Variants in HIBCH observed in about 807,000 individuals in gnomAD.
The protein encoded by HIBCH is 3-hydroxyisobutyryl-CoA hydrolase, mitochondrial.
A neutral mutation model predicts 58.2 loss-of-function variants in HIBCH; 50 were observed. The ratio of observed to expected loss-of-function variants is 0.86; its 90% CI spans 0.68 to 1.09. The LOEUF is 1.09. HIBCH is among the 50% of genes least tolerant of loss of function. The pLI is 0.00. For synonymous variants in HIBCH, 151 were observed against 146.9 expected (o/e 1.03, Z -0.20); for missense variants, 450 against 449.7 (o/e 1.00, Z -0.01).
chr2:190,191,371 C>G (rs1014011268), intron 1 of HIBCH, among the ~76,000 whole-genome samples: 7 of 152,194 alleles, frequency 4.6e-5, no homozygotes, highest in African/African-American at 1.7e-4. Context: ...TCTCAAACTC[C>G]TGACCTCAGG....
rs762735715 is a variant in HIBCH, at chr2:190,213,068, T to C, written c.899A>G (p.Asn300Ser). The change falls in exon 12 of 14, where the codon AAT becomes AGT. Residue 300 changes from asparagine to serine, a missense_variant. By Grantham distance (46) the Asn-to-Ser change is conservative. Coordinates refer to ENST00000359678, the MANE Select transcript of HIBCH (RefSeq NM_014362.4). Reference protein sequence around the residue: ...SFALEQLKVINKMSPTSLKIT... With the variant: ...SFALEQLKVISKMSPTSLKIT... ...CTTTAGAGATGTTGGAGACATTTTA[T>C]TAATTACCTTTTGGAGGAAAAAATT... is the stretch of plus-strand genomic sequence containing the variant. The C allele has an allele frequency of 6.2e-7, 1 of 1,607,008 alleles. No individual in the cohort carries two copies. Among genetic ancestry groups the C allele is most frequent in the Non-Finnish European group, 8.5e-7 (1 of 1,173,736 alleles).
In HIBCH at chr2:190,215,277, G is replaced by A. The variant is rs761967629; in HGVS notation, c.892-2202C>T. On this transcript the variant is annotated intron_variant, in intron 11 of 13. Transcript: ENST00000359678. This position sits in a 1 kb window ranked among gnomAD's most constrained non-coding sequence, Gnocchi z 4.4. Reference sequence around the variant, plus strand: ...ATTTGGGAAAGACAGCGTCCTCCCAGGCAAGAAGTCCTGCCAACTGAGCAG... The same window carrying A: ...ATTTGGGAAAGACAGCGTCCTCCCAAGCAAGAAGTCCTGCCAACTGAGCAG... 5 of 152,226 alleles carry A rather than the reference G, an allele frequency of 3.3e-5. No individual in the cohort carries two copies. The highest frequency in any genetic ancestry group is 4.8e-5 in the African/African-American group (2 of 41,452). The allele number at this position is 152,226 out of a possible 1,614,324, so 9.4% of individuals were successfully genotyped here.
chr2:190,232,696 C>G (rs533674773), intron 11 of HIBCH, among the ~76,000 whole-genome samples: 1 of 152,132 alleles, frequency 6.6e-6, no homozygotes, highest in Non-Finnish European at 1.5e-5. Context: ...TGGTGGCTCA[C>G]GCCTGTAATC....
chr2:190,319,758 C>T lies in HIBCH; in HGVS notation c.-8G>A. 4.3e-6 allele frequency: 7 copies of T among 1,611,268 alleles called. No homozygotes were observed. The highest frequency in any genetic ancestry group is 1.1e-5 in the South Asian group (1 of 90,104). ...CATCTCGCGCTGCCCCATCGCCAAA[C>T]ACTCCGAAGCTAAAGCAGCAGAGCG... On this transcript the variant is annotated 5_prime_UTR_variant, in exon 1 of 14. Transcript: ENST00000359678.
At chr2:190,271,775 C>T (rs918671821) in intron 6 of HIBCH, among the ~76,000 whole-genome samples, 1 of 152,148 alleles carries the variant, frequency 6.6e-6, no homozygotes, top group Non-Finnish European at 1.5e-5. Context: ...CCATATTGAT[C>T]TGAAGATCAA....
chr2:190,282,427 T>A (rs1687725754), intron 6 of HIBCH, among the ~76,000 whole-genome samples: 1 of 152,180 alleles, frequency 6.6e-6, no homozygotes, highest in South Asian at 2.1e-4. Context: ...CAGGCACATG[T>A]AAAAAGCCCA....
intron 2 of HIBCH, among the ~76,000 whole-genome samples, chr2:190,308,839 T>C (rs192353862): frequency 1.3e-5 from 2 of 152,328 alleles, no homozygotes; most frequent in Non-Finnish European, 2.9e-5. Context: ...ACAGTTGCAA[T>C]AGTTACGTAG....
chr2:190,259,319 A>ATGTGTGTGTGTGTGTGTGTGTGTGTG (rs370172555), intron 7 of HIBCH, among the ~76,000 whole-genome samples: 25 of 122,204 alleles, frequency 2.0e-4, no homozygotes, highest in Admixed American at 3.5e-4. Flanking sequence ...CAGTATACAG[A>ATGTGTGTGTGTGTGTGTGTGTGTGTG]TGTGTGTGTG....
chr2:190,221,198 C>T lies in HIBCH; in HGVS notation c.892-8123G>A, dbSNP rs148104166. On this transcript the variant is annotated intron_variant, in intron 11 of 13. Coordinates refer to ENST00000359678, the MANE Select transcript of HIBCH (RefSeq NM_014362.4). Reference sequence around the variant, plus strand: ...TAAGAATCCTTGCAGTTTCTAACAACTCTTAGTATGCTGGCAATCTAGCAC... The same window carrying T: ...TAAGAATCCTTGCAGTTTCTAACAATTCTTAGTATGCTGGCAATCTAGCAC... 5.8e-3 allele frequency among the ~76,000 whole-genome samples: 883 copies of T among 152,302 alleles called. 10 individuals carry two copies. The highest frequency in any genetic ancestry group is 0.02 in the African/African-American group (849 of 41,562).
At chr2:190,201,153 A>G (rs898100599), downstream of HIBCH, 1 of 166,990 alleles carries the variant, frequency 6.0e-6, no homozygotes, top group Non-Finnish European at 1.5e-5. Context: ...GTTATTTTTT[A>G]GTGGTAACAC....
chr2:190,290,305 T>A (rs1575752313), intron 5 of HIBCH, 100 bp downstream of exon 5: 1 of 817,524 alleles, frequency 1.2e-6, no homozygotes, highest in East Asian at 2.5e-5. Flanking sequence ...GTATTAAAAG[T>A]TTAAGTAAGG....
rs1253627489 is a variant in HIBCH, at chr2:190,206,390, T to C, written c.1046-1158A>G. 6.6e-6 allele frequency among the ~76,000 whole-genome samples: 1 copy of C among 152,186 alleles called. No homozygotes were observed. The highest frequency in any genetic ancestry group is 2.4e-5 in the African/African-American group (1 of 41,454). ...TTTTTTCCACAAGAATCTCTCTCAC[T>C]CTAAGTCTTCTGGTCAATACTACCT... On this transcript the variant is annotated intron_variant, in intron 13 of 13. Coordinates refer to ENST00000359678, the MANE Select transcript of HIBCH (RefSeq NM_014362.4). This position sits in a 1 kb window ranked among gnomAD's most constrained non-coding sequence, Gnocchi z 5.1.
intron 13 of HIBCH, among the ~76,000 whole-genome samples, chr2:190,208,098 C>T (rs1690434718): frequency 6.6e-6 from 1 of 152,154 alleles, no homozygotes; most frequent in Non-Finnish European, 1.5e-5. Flanking sequence ...GCACGTCAAG[C>T]ACTTCACTTG....
Position 190,192,139 on chromosome 2 carries a change from G to T in HIBCH, c.*18-2142C>A, listed in dbSNP as rs138460207. ...AGTTAATTTTTCTATAAAGTATAAG[G>T]TATAAGTAGATTTTGGTGGGGGGAG... On this transcript the variant is annotated intron_variant, in intron 1 of 1. Transcript: ENST00000399855. Among the ~76,000 whole-genome samples, 18 of 152,068 alleles carry T rather than the reference G, an allele frequency of 1.2e-4. No homozygotes were observed. The East Asian group carries it at 3.5e-3, about 29-fold the overall frequency.
intron 2 of HIBCH, among the ~76,000 whole-genome samples, chr2:190,303,188 T>C (rs12466290): frequency 6.6e-6 from 1 of 152,014 alleles, no homozygotes; most frequent in Non-Finnish European, 1.5e-5. Context: ...TATGCATGAA[T>C]ACATGGGTAA....
rs1290314545 is a variant in HIBCH, at chr2:190,281,085, T to C, written c.438+6501A>G. The C allele has an allele frequency of 6.6e-6, 1 of 152,268 alleles. No individual in the cohort carries two copies. Among genetic ancestry groups the C allele is most frequent in the Non-Finnish European group, 1.5e-5 (1 of 68,126 alleles). The allele number at this position is 152,268 out of a possible 1,614,324, so 9.4% of individuals were successfully genotyped here. A position where few individuals can be genotyped will look rare whatever the true frequency, so the allele number is the denominator to read the frequency against. On this transcript the variant is annotated intron_variant, in intron 6 of 13. Transcript: ENST00000359678. The surrounding 1 kb of genome is among the most constrained non-coding windows in gnomAD (Gnocchi z 5.4). ...TTGCAAACTGGTGCCATGCTGCCAG[T>C]GGGTCAACAGTTCTAGAATCTCAAG...
At chr2:190,201,331 T>C (rs954726470), downstream of HIBCH, 1 of 166,866 alleles carries the variant, frequency 6.0e-6, no homozygotes. Context: ...AACAGAAAAT[T>C]TGGGAGGGAG....
At chr2:190,233,264 C>A (rs1326860277) in intron 11 of HIBCH, among the ~76,000 whole-genome samples, 2 of 152,132 alleles carry the variant, frequency 1.3e-5, no homozygotes, top group Non-Finnish European at 2.9e-5. Context: ...TCATATGACA[C>A]CACTGAGAGA....
At chr2:190,250,721 G>T (rs1686738256) in intron 8 of HIBCH, among the ~76,000 whole-genome samples, 1 of 152,178 alleles carries the variant, frequency 6.6e-6, no homozygotes, top group South Asian at 2.1e-4. Flanking sequence ...AAACATGATA[G>T]AAAGGCCTTC....
Sources: allele counts gnomAD v4.1 joint callset (sites outside exome capture counted in the v4.1 genomes callset), GRCh38; gene constraint gnomAD v4.1.1; non-coding constraint Gnocchi (gnomAD v3.1); transcripts MANE v1.5; gene names NCBI Gene and HGNC (gene_info 2026-07-23, HGNC 2026-07-21).